The following ICA1 variants were observed in gnomAD, a reference collection of about 807,000 sequenced individuals.
ICA1 encodes 69 kDa islet cell autoantigen.
A neutral mutation model predicts 71.0 loss-of-function variants in ICA1; 40 were observed. The ratio of observed to expected loss-of-function variants is 0.56; its 90% CI spans 0.44 to 0.73. The LOEUF (loss-of-function observed/expected upper bound fraction) is 0.73. ICA1 is among the 30% of genes least tolerant of loss of function. The probability of loss-of-function intolerance (pLI) is 0.00; values close to 1 mark genes in which losing one functional copy is unlikely to be tolerated. For synonymous variants in ICA1, 207 were observed against 209.5 expected, an observed-to-expected ratio of 0.99 and a Z score of 0.10; for missense variants, 578 against 576.5, an observed-to-expected ratio of 1.00 and a Z score of -0.03.
At chr7:8,192,845 A>C (rs1455951130) in intron 6 of ICA1, among the ~76,000 whole-genome samples, 2 of 152,192 alleles carry the variant, frequency 1.3e-5, no homozygotes, top group Non-Finnish European at 2.9e-5. Flanking sequence ...TTAACGCTTA[A>C]ATGATCCCAT....
intron 6 of ICA1, among the ~76,000 whole-genome samples, chr7:8,215,157 C>T (rs748024001): frequency 1.3e-5 from 2 of 152,140 alleles, no homozygotes; most frequent in African/African-American, 4.8e-5. Flanking sequence ...CCCACTACTC[C>T]GTCCCCTTAG....
At chr7:8,220,119 G>A (rs552030464) in intron 5 of ICA1, among the ~76,000 whole-genome samples, 29 of 152,132 alleles carry the variant, frequency 1.9e-4, no homozygotes, top group African/African-American at 6.5e-4. Flanking sequence ...TTTTTACATA[G>A]AAAAATTATA....
At chr7:8,135,529 G>C (rs887177247) in intron 12 of ICA1, among the ~76,000 whole-genome samples, 1 of 152,208 alleles carries the variant, frequency 6.6e-6, no homozygotes, top group African/African-American at 2.4e-5. Flanking sequence ...CTTCGTATGC[G>C]AGGAAGCAGT....
At chr7:8,114,690 C>G (rs1784227032) in intron 13 of ICA1, among the ~76,000 whole-genome samples, 1 of 152,228 alleles carries the variant, frequency 6.6e-6, no homozygotes, top group South Asian at 2.1e-4. Context: ...AACACCTGCC[C>G]TAACTTCCTG....
At chr7:8,142,038 C>T in intron 9 of ICA1, 1 of 1,452,120 alleles carries the variant, frequency 6.9e-7, no homozygotes, top group Non-Finnish European at 9.2e-7. Context: ...CATCTCGAGG[C>T]AAATATTCTG....
chr7:8,191,940 T>C (rs1327300376), intron 6 of ICA1, among the ~76,000 whole-genome samples: 1 of 152,102 alleles, frequency 6.6e-6, no homozygotes, highest in East Asian at 1.9e-4. Context: ...TCACCCAGAT[T>C]CCCAAAATGT....
intron 6 of ICA1, among the ~76,000 whole-genome samples, chr7:8,170,983 A>G (rs753318370): frequency 6.6e-6 from 1 of 151,930 alleles, no homozygotes; most frequent in Non-Finnish European, 1.5e-5. Flanking sequence ...ATCATCACCA[A>G]ATCAATTTTG....
At chr7:8,227,260 A>G (rs550202609) in intron 4 of ICA1, among the ~76,000 whole-genome samples, 3 of 152,322 alleles carry the variant, frequency 2.0e-5, no homozygotes, top group Admixed American at 6.5e-5. Context: ...ACAATAGGCT[A>G]GAGAAAGCAG....
chr7:8,158,493 C>G (rs755603457), intron 7 of ICA1, 34 bp downstream of exon 7: 44 of 1,612,138 alleles, frequency 2.7e-5, no homozygotes, highest in Admixed American at 6.7e-5. Context: ...CTTGTGCCAT[C>G]CTTGGTTCAT....
chr7:8,132,638 G>A lies in ICA1; in HGVS notation c.1061-4496C>T, dbSNP rs945104205. Among the ~76,000 whole-genome samples, 4 of 152,148 alleles carry A rather than the reference G, an allele frequency of 2.6e-5. No homozygotes were observed. Among genetic ancestry groups the A allele is most frequent in the East Asian group, 3.9e-4 (2 of 5,186 alleles). On this transcript the variant is annotated intron_variant, in intron 12 of 13. Transcript: ENST00000402384. The surrounding 1 kb of genome is among the most constrained non-coding windows in gnomAD (Gnocchi z 4.5). ...TATCTCCTGGGAGTCCCCATGAGGCGGCTCTCTCGGATGACCTCCCATCTC... is the reference window on the plus strand; with the variant it reads ...TATCTCCTGGGAGTCCCCATGAGGCAGCTCTCTCGGATGACCTCCCATCTC...
chr7:8,184,213 G>A (rs1471491376), intron 6 of ICA1, among the ~76,000 whole-genome samples: 1 of 152,152 alleles, frequency 6.6e-6, no homozygotes, highest in South Asian at 2.1e-4. Flanking sequence ...GGTGCATTTT[G>A]AAGTGCTTTG....
chr7:8,253,221 ATC>A (rs1447235354), intron 1 of ICA1, among the ~76,000 whole-genome samples: 1 of 152,214 alleles, frequency 6.6e-6, no homozygotes, highest in Non-Finnish European at 1.5e-5. Flanking sequence ...TCTGCTCAGA[ATC>A]TCTGACATTC....
rs1442756146 is a variant in ICA1 at position 8,232,644 on chromosome 7, C to T, written c.129G>A (p.Lys43=). ...AGGCAACAACATGTTCATCTTCCTT[C>T]TTCCCTGTGGCTTTAATAAAGGCCT... The part of the protein sequence containing the change: ...TKQAFIKATG[K]KEDEHVVASD... Residue 43 remains lysine, a synonymous_variant, in exon 3 of 14, where the codon AAG becomes AAA. Transcript: ENST00000402384. 6.2e-7 allele frequency: 1 copy of T among 1,613,652 alleles called. No individual in the cohort carries two copies. The highest frequency in any genetic ancestry group is 8.5e-7 in the Non-Finnish European group (1 of 1,179,768).
intron 12 of ICA1, among the ~76,000 whole-genome samples, chr7:8,138,529 A>C (rs1794157947): frequency 6.6e-6 from 1 of 152,224 alleles, no homozygotes; most frequent in African/African-American, 2.4e-5. Context: ...ATTTATGGTA[A>C]AACCAGTCTT....
intron 4 of ICA1, among the ~76,000 whole-genome samples, chr7:8,225,806 A>G (rs1462580067): frequency 1.3e-5 from 2 of 152,230 alleles, no homozygotes; most frequent in Non-Finnish European, 2.9e-5. Context: ...TTTCTAAAGT[A>G]CAGAGTGAGA....
intron 6 of ICA1, among the ~76,000 whole-genome samples, chr7:8,185,562 T>C (rs971414312): frequency 3.3e-5 from 5 of 152,206 alleles, no homozygotes; most frequent in African/African-American, 9.7e-5. Flanking sequence ...GGCACATCAA[T>C]ACATTTTACC....
chr7:8,140,191 T>G (rs1338278988), intron 10 of ICA1, among the ~76,000 whole-genome samples: 2 of 152,212 alleles, frequency 1.3e-5, no homozygotes, highest in African/African-American at 4.8e-5. Context: ...TTACCTTGAC[T>G]ATGACAACAT....
chr7:8,163,877 G>T (rs966991157), intron 6 of ICA1, among the ~76,000 whole-genome samples: 2 of 152,158 alleles, frequency 1.3e-5, no homozygotes, highest in Non-Finnish European at 2.9e-5. Flanking sequence ...GCGTGCTCAG[G>T]ATTTTAATTT....
At chr7:8,243,231 C>T (rs1157152618) in intron 1 of ICA1, among the ~76,000 whole-genome samples, 1 of 152,212 alleles carries the variant, frequency 6.6e-6, no homozygotes, top group Non-Finnish European at 1.5e-5. Flanking sequence ...ATCAAGTCGG[C>T]TTCATCCCTG....
Sources: gnomAD v4.1 joint callset for allele counts (sites outside exome capture counted in the v4.1 genomes callset) on GRCh38, gnomAD v4.1.1 for gene constraint, Gnocchi (gnomAD v3.1) non-coding constraint, MANE v1.5 for transcripts, NCBI Gene and HGNC (gene_info 2026-07-23, HGNC 2026-07-21) for gene names.